CRB1: variants seen among roughly 807,000 people sequenced by gnomAD.
The protein encoded by CRB1 is protein crumbs homolog 1.
In CRB1, 83 loss-of-function variants were observed where a neutral mutation model predicts 120.0. That is an observed-to-expected ratio of 0.69 (90% CI 0.58 to 0.83). The LOEUF (loss-of-function observed/expected upper bound fraction) is 0.83. Among genes scored for constraint, CRB1 ranks in the 40% least tolerant of loss-of-function variants. CRB1 has a pLI of 0.00. For synonymous variants in CRB1, 625 were observed against 612.5 expected (o/e 1.02, Z -0.30); for missense variants, 1,699 against 1,687.6 (o/e 1.01, Z -0.12).
At chr1:197,225,612 A>G in the CRB1 span, among the ~76,000 whole-genome samples, 1 of 152,202 alleles carries the variant, frequency 6.6e-6, no homozygotes. Context: ...GAGTCTCCTC[A>G]AAAGCGGAGG....
chr1:197,366,601 A>AT (rs1430260249), intron 5 of CRB1, among the ~76,000 whole-genome samples: 3 of 152,240 alleles, frequency 2.0e-5, no homozygotes, highest in Admixed American at 6.5e-5. Context: ...CAGTCTCAGA[A>AT]TTATACTCAG....
At chr1:197,382,329 C>T (rs1661998073) in intron 5 of CRB1, among the ~76,000 whole-genome samples, 1 of 152,154 alleles carries the variant, frequency 6.6e-6, no homozygotes, top group Admixed American at 6.5e-5. Flanking sequence ...GGGCTCATGA[C>T]TGTATTTCCA....
At chr1:197,229,010 C>T in the CRB1 span, among the ~76,000 whole-genome samples, 4 of 152,240 alleles carry the variant, frequency 2.6e-5, no homozygotes, top group Admixed American at 1.3e-4. Flanking sequence ...TATCTCCCAC[C>T]GTGTTCCTCC....
intron 2 of CRB1, among the ~76,000 whole-genome samples, chr1:197,340,984 C>A (rs1438411503): frequency 6.6e-6 from 1 of 152,100 alleles, no homozygotes; most frequent in Non-Finnish European, 1.5e-5. Context: ...ACATGGATGG[C>A]AGCAGGCAAA....
At chr1:197,220,290 A>G in the CRB1 span, among the ~76,000 whole-genome samples, 4 of 152,262 alleles carry the variant, frequency 2.6e-5, no homozygotes, top group African/African-American at 9.6e-5. Flanking sequence ...ATAAAAAGTA[A>G]GAACTAAGTA....
Position 197,282,665 on chromosome 1 carries a change from A to G in CRB1, c.70+14183A>G, listed in dbSNP as rs1445793042. Reference sequence around the variant, plus strand: ...CTGCAGTCTCTTAAGAAACGCACACATATACACACATATACAATTAGAATA... The same window carrying G: ...CTGCAGTCTCTTAAGAAACGCACACGTATACACACATATACAATTAGAATA... On this transcript the variant is annotated intron_variant, in intron 1 of 11. Transcript: ENST00000367400. Among the ~76,000 whole-genome samples the G allele has an allele frequency of 5.9e-5, 9 of 152,016 alleles. No homozygotes were observed. The East Asian group carries it at 1.4e-3, about 23-fold the overall frequency.
At chr1:197,287,545 C>G (rs1025324155) in intron 1 of CRB1, among the ~76,000 whole-genome samples, 1 of 151,848 alleles carries the variant, frequency 6.6e-6, no homozygotes, top group Non-Finnish European at 1.5e-5. Flanking sequence ...GTCTCTGTAA[C>G]GGGATCCCTG....
intron 1 of CRB1, among the ~76,000 whole-genome samples, chr1:197,316,190 CTT>C (rs567045437): frequency 1.4e-5 from 2 of 147,892 alleles, no homozygotes; most frequent in South Asian, 2.2e-4. Context: ...CAAAGTCAGA[CTT>C]TTTTTTTTTT....
intron 1 of CRB1, among the ~76,000 whole-genome samples, chr1:197,290,913 A>G (rs1466081913): frequency 6.6e-6 from 1 of 151,730 alleles, no homozygotes; most frequent in African/African-American, 2.4e-5. Flanking sequence ...CTCTGGTACT[A>G]AATGTATTTT....
At chr1:197,388,971 T>G (rs1487916839) in intron 5 of CRB1, among the ~76,000 whole-genome samples, 1 of 152,068 alleles carries the variant, frequency 6.6e-6, no homozygotes, top group Non-Finnish European at 1.5e-5. Flanking sequence ...ACATGACTAG[T>G]TATTAGAGGA....
chr1:197,410,137 T>C (rs1449743541), intron 5 of CRB1, among the ~76,000 whole-genome samples: 3 of 152,240 alleles, frequency 2.0e-5, no homozygotes, highest in Admixed American at 6.5e-5. Flanking sequence ...TCAGCTGTCA[T>C]TTCCTGCTGG....
intron 1 of CRB1, among the ~76,000 whole-genome samples, chr1:197,302,233 G>T (rs1291490797): frequency 6.6e-6 from 1 of 152,152 alleles, no homozygotes; most frequent in Non-Finnish European, 1.5e-5. Flanking sequence ...CCAGCAAAAA[G>T]ATTATGACTT....
At chr1:197,393,932 A>C (rs927108288) in intron 5 of CRB1, among the ~76,000 whole-genome samples, 2 of 152,136 alleles carry the variant, frequency 1.3e-5, no homozygotes, top group African/African-American at 4.8e-5. Context: ...TAATGATCTT[A>C]AGACTAGTTT....
At chr1:197,292,226 T>C (rs895758985) in intron 1 of CRB1, among the ~76,000 whole-genome samples, 4 of 151,968 alleles carry the variant, frequency 2.6e-5, no homozygotes, top group Admixed American at 1.3e-4. Context: ...TAAAAAATGA[T>C]AAAGGGGATA....
the CRB1 span, among the ~76,000 whole-genome samples, chr1:197,260,216 A>AAT: frequency 6.6e-6 from 1 of 151,854 alleles, no homozygotes; most frequent in Admixed American, 6.6e-5. Context: ...AGGAAGGAGA[A>AAT]AAACAACTAA....
At chr1:197,372,847 G>C (rs1268543818) in intron 5 of CRB1, among the ~76,000 whole-genome samples, 1 of 152,144 alleles carries the variant, frequency 6.6e-6, no homozygotes, top group Non-Finnish European at 1.5e-5. Flanking sequence ...TTTAGGACCA[G>C]CCAAGTTTGC....
At position 197,340,532 on chromosome 1, in the gene CRB1, G is replaced by A. The variant is rs115983346; in HGVS notation, c.653-3749G>A. 2.3e-3 allele frequency among the ~76,000 whole-genome samples: 355 copies of A among 152,236 alleles called. 3 individuals carry two copies. The highest frequency in any genetic ancestry group is 8.2e-3 in the African/African-American group (341 of 41,532). ...GAAATGTAGAGAGTGATTGCGAAAA[G>A]AGAAGTCAATAATAGTGAGAGCAGA... On this transcript the variant is annotated intron_variant, in intron 2 of 11. Coordinates refer to ENST00000367400, the MANE Select transcript of CRB1 (RefSeq NM_201253.3).
At chr1:197,442,028 C>A in intron 10 of CRB1, 138 bp from the exon 11 acceptor site, 2 of 961,414 alleles carry the variant, frequency 2.1e-6, no homozygotes, top group Non-Finnish European at 3.3e-6. Flanking sequence ...CCGACATTAT[C>A]AAGTATGTAT....
At chr1:197,222,234 G>A in the CRB1 span, 1 of 504,570 alleles carries the variant, frequency 2.0e-6, no homozygotes, top group South Asian at 1.8e-5. Flanking sequence ...GATTGTGTTT[G>A]CCGTGCTCCT....
Sources: allele counts gnomAD v4.1 joint callset (sites outside exome capture counted in the v4.1 genomes callset), GRCh38; gene constraint gnomAD v4.1.1; transcripts MANE v1.5; gene names NCBI Gene and HGNC (gene_info 2026-07-23, HGNC 2026-07-21).